The following NEURL1 variants were observed in gnomAD, a reference collection of about 807,000 sequenced individuals.
NEURL1 encodes E3 ubiquitin-protein ligase NEURL1.
A neutral mutation model predicts 41.2 loss-of-function variants in NEURL1; 26 were observed. That is an observed-to-expected ratio of 0.63 (90% confidence interval 0.46 to 0.87). NEURL1 has a LOEUF of 0.87. Ranked by LOEUF, NEURL1 falls within the 40% of genes least tolerant of loss-of-function variation. The pLI, the probability that NEURL1 is intolerant of heterozygous loss-of-function variation, is 0.00. For missense variants in NEURL1, 761 were observed against 871.1 expected, an observed-to-expected ratio of 0.87 and a Z score of 1.59; for synonymous variants, 400 against 402.3, an observed-to-expected ratio of 0.99 and a Z score of 0.07.
intron 3 of NEURL1, among the ~76,000 whole-genome samples, chr10:103,573,720 T>C (rs1036387280): frequency 6.6e-6 from 1 of 152,152 alleles, no homozygotes; most frequent in Non-Finnish European, 1.5e-5. Context: ...AAGTCTCTGC[T>C]CCTGAGAAAG....
intron 1 of NEURL1, among the ~76,000 whole-genome samples, chr10:103,500,334 T>A (rs1283967681): frequency 6.6e-6 from 1 of 152,228 alleles, no homozygotes; most frequent in Non-Finnish European, 1.5e-5. Flanking sequence ...GCATTGTCAC[T>A]GTTTTACAGA....
rs1281319253 is a variant in NEURL1 at position 103,494,096 on chromosome 10, G to GCGTCCC, written c.-289_-284dup. The GCGTCCC allele has an allele frequency of 3.4e-6, 1 of 293,094 alleles. No individual in the cohort carries two copies. Among genetic ancestry groups the GCGTCCC allele is most frequent in the Admixed American group, 5.4e-5 (1 of 18,440 alleles). 18.2% of individuals were successfully genotyped at this position (293,094 alleles called of 1,614,324 possible). ...CCGGGGAGCAAGCGGGGAGCCCCGGGCGTCCCCGGCCCCGGCCCAGGGCCC... is the reference window on the plus strand; with the variant it reads ...CCGGGGAGCAAGCGGGGAGCCCCGGGCGTCCCCGTCCCCGGCCCCGGCCCAGGGCCC... On this transcript the variant is annotated 5_prime_UTR_variant, in exon 1 of 6. Transcript: ENST00000369780.
intron 1 of NEURL1, among the ~76,000 whole-genome samples, chr10:103,568,450 G>A: frequency 6.6e-6 from 1 of 152,244 alleles, no homozygotes; most frequent in Non-Finnish European, 1.5e-5. Flanking sequence ...TGGCCCTGCA[G>A]TTGCTCCGTG....
At chr10:103,527,755 A>C (rs963818076) in intron 1 of NEURL1, among the ~76,000 whole-genome samples, 3 of 152,120 alleles carry the variant, frequency 2.0e-5, no homozygotes, top group African/African-American at 7.2e-5. Flanking sequence ...CTCTGGTTTG[A>C]ACACCTCTGA....
chr10:103,570,008 C>A (rs981711729), intron 1 of NEURL1, among the ~76,000 whole-genome samples: 1 of 152,232 alleles, frequency 6.6e-6, no homozygotes, highest in South Asian at 2.1e-4. Context: ...GGAAGCTGCT[C>A]CTCCTCCTCT....
At chr10:103,536,343 A>T (rs936900225) in intron 1 of NEURL1, among the ~76,000 whole-genome samples, 1 of 152,154 alleles carries the variant, frequency 6.6e-6, no homozygotes, top group Non-Finnish European at 1.5e-5. Context: ...CAGGAGTTTG[A>T]GACCAGCCTG....
intron 1 of NEURL1, among the ~76,000 whole-genome samples, chr10:103,543,393 C>G (rs1592209854): frequency 6.6e-6 from 1 of 152,196 alleles, no homozygotes; most frequent in Non-Finnish European, 1.5e-5. Flanking sequence ...GGCAATCTGT[C>G]ACCTTTGGGT....
intron 1 of NEURL1, among the ~76,000 whole-genome samples, chr10:103,502,908 G>T (rs2033856790): frequency 6.6e-6 from 1 of 152,246 alleles, no homozygotes; most frequent in Admixed American, 6.5e-5. Context: ...CGCTGAGCCG[G>T]TTGCTTTGGC....
At chr10:103,549,428 C>T (rs573273957) in intron 1 of NEURL1, among the ~76,000 whole-genome samples, 1 of 152,322 alleles carries the variant, frequency 6.6e-6, no homozygotes, top group Non-Finnish European at 1.5e-5. Flanking sequence ...TTTTGCTCTC[C>T]TCTCCCTCCT....
intron 1 of NEURL1, among the ~76,000 whole-genome samples, chr10:103,564,253 G>C (rs1421758756): frequency 6.6e-6 from 1 of 152,190 alleles, no homozygotes; most frequent in Admixed American, 6.5e-5. Context: ...GGGCTGTCGG[G>C]GGAGTTTCCA....
chr10:103,588,075 C>T (rs1280778769), intron 4 of NEURL1, among the ~76,000 whole-genome samples: 5 of 151,622 alleles, frequency 3.3e-5, no homozygotes, highest in Admixed American at 6.6e-5. Flanking sequence ...GAGGCTGAGG[C>T]GGGTGGATCA....
Position 103,510,615 on chromosome 10 carries a change from C to T in NEURL1, c.85+16143C>T, listed in dbSNP as rs145684440. 7.8e-3 allele frequency among the ~76,000 whole-genome samples: 1,182 copies of T among 152,248 alleles called. 11 individuals are homozygous for T. The highest frequency in any genetic ancestry group is 0.027 in the African/African-American group (1,111 of 41,538). On this transcript the variant is annotated intron_variant, in intron 1 of 5. Coordinates refer to ENST00000369780, the MANE Select transcript of NEURL1 (RefSeq NM_004210.5). ...TGTGGCAAGCCAGGTTCTGAAGGGG[C>T]CCAGCTGTCTCCCTTGTGCTGTGCT...
chr10:103,533,525 A>C (rs1163296415), intron 1 of NEURL1, among the ~76,000 whole-genome samples: 3 of 150,836 alleles, frequency 2.0e-5, no homozygotes, highest in Non-Finnish European at 4.4e-5. Context: ...ATAAGCCACG[A>C]TGCCGGACTA....
chr10:103,557,694 G>A (rs2035186008), intron 1 of NEURL1, among the ~76,000 whole-genome samples: 1 of 152,088 alleles, frequency 6.6e-6, no homozygotes, highest in Non-Finnish European at 1.5e-5. Context: ...ATGCATCCAC[G>A]CCCATGTGTG....
chr10:103,584,871 A>C lies in NEURL1; in HGVS notation c.985A>C (p.Ser329Arg), dbSNP rs1254356241. The change falls in exon 4 of 6, where the codon AGC becomes CGC. Residue 329 changes from serine (S) to arginine (R), a missense_variant. Ser to Arg is a moderately radical substitution (Grantham distance 110). Transcript: ENST00000369780. The stretch of plus-strand genomic sequence containing the variant: ...CGACGAGCGCGCGCTCGTCTTCACC[A>C]GCCGGCCCGTGCGCGTGGCCGAGAC... ...GRDERALVFTSRPVRVAETIF... is the reference protein window; with the variant it reads ...GRDERALVFTRRPVRVAETIF... The C allele has an allele frequency of 1.4e-5, 19 of 1,365,324 alleles. No individual in the cohort carries two copies. The highest frequency in any genetic ancestry group is 4.7e-6 in the Non-Finnish European group (5 of 1,063,792). 84.6% of individuals were successfully genotyped at this position (1,365,324 alleles called of 1,614,324 possible). A position where few individuals can be genotyped will look rare whatever the true frequency, so the allele number is the denominator to read the frequency against.
intron 1 of NEURL1, among the ~76,000 whole-genome samples, chr10:103,521,671 A>G (rs2034351370): frequency 6.6e-6 from 1 of 152,188 alleles, no homozygotes; most frequent in Admixed American, 6.5e-5. Flanking sequence ...GGCTGGAAGG[A>G]GATATTCTCC....
At chr10:103,554,953 AGATGGGGCTGTGTGT>A (rs1179355822) in intron 1 of NEURL1, among the ~76,000 whole-genome samples, 1 of 152,104 alleles carries the variant, frequency 6.6e-6, no homozygotes, top group Non-Finnish European at 1.5e-5. Context: ...TACATCCCTG[AGATGGGGCTGTGTGT>A]GATGGGGATG....
At chr10:103,567,091 C>G (rs984954933) in intron 1 of NEURL1, among the ~76,000 whole-genome samples, 1 of 151,834 alleles carries the variant, frequency 6.6e-6, no homozygotes, top group Non-Finnish European at 1.5e-5. Context: ...TTAAGCAATC[C>G]TTGTGCCTCA....
At chr10:103,533,997 G>C (rs2034639073) in intron 1 of NEURL1, among the ~76,000 whole-genome samples, 1 of 151,976 alleles carries the variant, frequency 6.6e-6, no homozygotes, top group African/African-American at 2.4e-5. Context: ...CAAGTTCAGA[G>C]AATCTTTCTT....
Sources: gnomAD v4.1 joint callset for allele counts (sites outside exome capture counted in the v4.1 genomes callset) on GRCh38, gnomAD v4.1.1 for gene constraint, MANE v1.5 for transcripts, NCBI Gene and HGNC (gene_info 2026-07-23, HGNC 2026-07-21) for gene names.